SPAG9: variants seen among roughly 807,000 people sequenced by gnomAD.
SPAG9 encodes the protein C-Jun-amino-terminal kinase-interacting protein 4.
A neutral mutation model predicts 166.5 loss-of-function variants in SPAG9; 35 were observed. The observed-to-expected ratio is 0.21, with a 90% confidence interval of 0.16 to 0.28. The LOEUF is 0.28. SPAG9 is among the 10% of genes least tolerant of loss of function. The pLI is 1.00. For synonymous variants in SPAG9, 534 were observed against 565.5 expected (o/e 0.94, Z 0.79); for missense variants, 1,235 against 1,603.3 (o/e 0.77, Z 3.92).
chr17:51,041,571 C>T lies in SPAG9; in HGVS notation c.671G>A (p.Gly224Glu). 1 of 1,613,958 alleles carries T rather than the reference C, an allele frequency of 6.2e-7. No homozygotes were observed. The highest frequency in any genetic ancestry group is 8.5e-7 in the Non-Finnish European group (1 of 1,179,876). ...GLLTPDAQKG[G>E]ETPGSEQWKF... ...CCATTGCTCAGATCCAGGGGTCTCT[C>T]CTCCTTTCTGAGCATCAGGTGTAAG... The change falls in exon 5 of 30, where the codon GGA becomes GAA. Residue 224 changes from glycine to glutamate, a missense_variant. Coordinates refer to ENST00000262013, the MANE Select transcript of SPAG9 (RefSeq NM_001130528.3).
At chr17:51,066,606 C>T (rs1333694203) in intron 2 of SPAG9, among the ~76,000 whole-genome samples, 1 of 148,032 alleles carries the variant, frequency 6.8e-6, no homozygotes, top group Non-Finnish European at 1.5e-5. Flanking sequence ...CCTGTAATCC[C>T]AGCACTTTGG....
intron 2 of SPAG9, among the ~76,000 whole-genome samples, chr17:51,077,125 G>T (rs186480700): frequency 6.7e-5 from 10 of 150,320 alleles, no homozygotes; most frequent in South Asian, 2.1e-4. Flanking sequence ...TATCTAGCTA[G>T]CTATCTATCT....
intron 1 of SPAG9, among the ~76,000 whole-genome samples, chr17:51,098,790 C>G (rs936241774): frequency 6.6e-6 from 1 of 151,746 alleles, no homozygotes; most frequent in Non-Finnish European, 1.5e-5. Context: ...CTGTGCCCAG[C>G]CGGATGGGTT....
intron 11 of SPAG9, among the ~76,000 whole-genome samples, chr17:51,005,711 T>C (rs2045185737): frequency 6.6e-6 from 1 of 152,188 alleles, no homozygotes; most frequent in African/African-American, 2.4e-5. Context: ...ATTAGCTGTG[T>C]GTGGTGGCAG....
At chr17:51,074,512 T>C (rs1212129866) in intron 2 of SPAG9, among the ~76,000 whole-genome samples, 1 of 152,214 alleles carries the variant, frequency 6.6e-6, no homozygotes, top group Non-Finnish European at 1.5e-5. Context: ...GTAAGTTCCT[T>C]AATTGTTCTT....
At chr17:50,993,045 G>A (rs1054060338) in intron 19 of SPAG9, among the ~76,000 whole-genome samples, 11 of 148,406 alleles carry the variant, frequency 7.4e-5, no homozygotes, top group African/African-American at 2.0e-4. Flanking sequence ...GCAGTAAGCC[G>A]AGACGGTGCC....
At chr17:51,093,469 G>A (rs1261144973) in intron 1 of SPAG9, among the ~76,000 whole-genome samples, 1 of 152,010 alleles carries the variant, frequency 6.6e-6, no homozygotes, top group African/African-American at 2.4e-5. Flanking sequence ...TTGGGAGGCT[G>A]AGGCGGGTGG....
At chr17:51,067,178 T>C (rs964580151) in intron 2 of SPAG9, among the ~76,000 whole-genome samples, 3 of 152,052 alleles carry the variant, frequency 2.0e-5, no homozygotes, top group Non-Finnish European at 2.9e-5. Flanking sequence ...GATCAAATAA[T>C]ACAAATTCAG....
In SPAG9 at chr17:50,965,432, A is replaced by G. The variant is rs1973312481; in HGVS notation, c.*840T>C. ...AATCAACATCACCATTCTCTGGTAC[A>G]AGAAATACAAAACACATTTCCTTTA... On this transcript the variant is annotated 3_prime_UTR_variant, in exon 30 of 30. Transcript: ENST00000262013. 6.6e-6 allele frequency: 1 copy of G among 152,216 alleles called. No homozygotes were observed. The highest frequency in any genetic ancestry group is 1.5e-5 in the Non-Finnish European group (1 of 68,034). The allele number at this position is 152,216 out of a possible 1,614,324, so 9.4% of individuals were successfully genotyped here. A position where few individuals can be genotyped will look rare whatever the true frequency, so the allele number is the denominator to read the frequency against.
At position 51,077,069 on chromosome 17, in the gene SPAG9, G is replaced by T. The variant is rs367798203; in HGVS notation, c.424+2515C>A. On this transcript the variant is annotated intron_variant, in intron 2 of 29. Coordinates refer to ENST00000262013, the MANE Select transcript of SPAG9 (RefSeq NM_001130528.3). ...AGCTATCTAGCTAGCTATCTAGCTA[G>T]CTATCTAGCTATCTAGCTAGCTATC... Among the ~76,000 whole-genome samples the T allele has an allele frequency of 1.7e-3, 200 of 120,850 alleles. 1 individual carries two copies. Among genetic ancestry groups the T allele is most frequent in the South Asian group, 9.9e-3 (40 of 4,036 alleles). 79.3% of individuals were successfully genotyped at this position (120,850 alleles called of 152,430 possible). A position where few individuals can be genotyped will look rare whatever the true frequency, so the allele number is the denominator to read the frequency against.
At chr17:50,967,437 A>G (rs1245624556) in intron 29 of SPAG9, among the ~76,000 whole-genome samples, 1 of 152,228 alleles carries the variant, frequency 6.6e-6, no homozygotes, top group Admixed American at 6.5e-5. Context: ...TCTGCAGGCC[A>G]AACTTTCCCT....
At chr17:51,041,843 A>G (rs963687084) in intron 4 of SPAG9, among the ~76,000 whole-genome samples, 192 bp from the exon 5 acceptor site, 20 of 152,248 alleles carry the variant, frequency 1.3e-4, no homozygotes, top group Non-Finnish European at 2.2e-4. Flanking sequence ...TCAGGAAATT[A>G]GCCTCAAGAA....
chr17:50,998,714 T>C lies in SPAG9; in HGVS notation c.1665-97A>G. Reference sequence around the variant, plus strand: ...ATGTTGAAGAAAATTTCAGAGTACTTTTACAAGGCAATGAGTTAGAAATTG... The same window carrying C: ...ATGTTGAAGAAAATTTCAGAGTACTCTTACAAGGCAATGAGTTAGAAATTG... On this transcript the variant is annotated intron_variant, in intron 14 of 29. Coordinates refer to ENST00000262013, the MANE Select transcript of SPAG9 (RefSeq NM_001130528.3). The C allele has an allele frequency of 3.3e-6, 4 of 1,201,602 alleles. No individual in the cohort carries two copies. In the South Asian group the frequency reaches 5.7e-5, roughly 17 times the overall value. 74.4% of individuals were successfully genotyped at this position (1,201,602 alleles called of 1,614,324 possible).
At chr17:51,094,339 ACT>A (rs778199330) in intron 1 of SPAG9, among the ~76,000 whole-genome samples, 5 of 152,186 alleles carry the variant, frequency 3.3e-5, no homozygotes, top group Admixed American at 6.6e-5. Context: ...TAAAAATGGG[ACT>A]CTGACAAAAC....
chr17:51,118,121 G>C (rs574472986), intron 1 of SPAG9, among the ~76,000 whole-genome samples: 2 of 150,418 alleles, frequency 1.3e-5, no homozygotes, highest in Admixed American at 6.6e-5. Flanking sequence ...GCGACAGAGA[G>C]AGACTCTGTC....
chr17:51,116,456 A>C (rs1428273503), intron 1 of SPAG9, among the ~76,000 whole-genome samples: 1 of 152,128 alleles, frequency 6.6e-6, no homozygotes. Context: ...TTGTATCCAG[A>C]TTTTTATTTT....
In SPAG9 at chr17:50,989,683, T is replaced by C. The variant is rs1975374093; in HGVS notation, c.2807A>G (p.Gln936Arg). 1 of 1,613,924 alleles carries C rather than the reference T, an allele frequency of 6.2e-7. No individual in the cohort carries two copies. The highest frequency in any genetic ancestry group is 1.3e-5 in the African/African-American group (1 of 74,928). ...TGATGACCCATTATTATACCTCGAC[T>C]GATACACTGGGGAGAGGTCTTCTGG... The part of the protein sequence containing the change: ...QIPEDLSPVY[Q>R]SSNDSDAYKD... Residue 936 changes from glutamine (Q) to arginine (R), a missense_variant, in exon 21 of 30, where the codon CAG (glutamine) becomes CGG (arginine). Physicochemically the swap from Gln to Arg is conservative, Grantham distance 43. This residue lies in a region of SPAG9 where 493 missense variants were observed against 559.4 expected (regional missense o/e 0.88). Coordinates refer to ENST00000262013, the MANE Select transcript of SPAG9 (RefSeq NM_001130528.3).
At chr17:51,016,621 T>A (rs2045707842) in intron 8 of SPAG9, among the ~76,000 whole-genome samples, 1 of 152,146 alleles carries the variant, frequency 6.6e-6, no homozygotes, top group African/African-American at 2.4e-5. Context: ...GTAAAAGAAA[T>A]GAAATGGGCC....
intron 4 of SPAG9, chr17:51,046,624 A>G: frequency 6.5e-7 from 1 of 1,536,114 alleles, no homozygotes; most frequent in East Asian, 2.4e-5. Flanking sequence ...CCGCCAACAA[A>G]GCCAAACACA....
Sources: gnomAD v4.1 joint callset for allele counts (sites outside exome capture counted in the v4.1 genomes callset) on GRCh38, gnomAD v4.1.1 for gene constraint, gnomAD v4.1.1 regional missense constraint, MANE v1.5 for transcripts, NCBI Gene and HGNC (gene_info 2026-07-23, HGNC 2026-07-21) for gene names.